ALB: variants seen among roughly 807,000 people sequenced by gnomAD.
ALB encodes the protein albumin.
ALB carries 37 observed loss-of-function variants against 74.5 expected under a neutral mutation model. The ratio of observed to expected loss-of-function variants is 0.50; its 90% CI spans 0.38 to 0.65. The LOEUF is 0.65. Ranked by LOEUF, ALB falls within the 30% of genes least tolerant of loss-of-function variation. ALB has a pLI of 0.00. For missense variants in ALB, 685 were observed against 718.7 expected, an observed-to-expected ratio of 0.95 and a Z score of 0.54; for synonymous variants, 249 against 251.6, an observed-to-expected ratio of 0.99 and a Z score of 0.10.
chr4:73,404,456 A>T, intron 1 of ALB, 50 bp downstream of exon 1: 1 of 1,495,796 alleles, frequency 6.7e-7, no homozygotes, highest in Non-Finnish European at 9.3e-7. Flanking sequence ...TTTTCCCAGT[A>T]AAATAAAGTT....
At chr4:73,407,601 A>T (rs1368292126) in intron 3 of ALB, among the ~76,000 whole-genome samples, 2 of 152,202 alleles carry the variant, frequency 1.3e-5, no homozygotes, top group Admixed American at 6.5e-5. Context: ...CTTAGAGATG[A>T]TATCATGGTT....
At chr4:73,409,057 T>A (rs1718802437) in intron 4 of ALB, 1 of 576,434 alleles carries the variant, frequency 1.7e-6, no homozygotes, top group Non-Finnish European at 3.1e-6. Flanking sequence ...GACAAATTAT[T>A]TAATGTATTA....
At chr4:73,407,341 TA>T (rs1287116893) in intron 3 of ALB, among the ~76,000 whole-genome samples, 1 of 152,246 alleles carries the variant, frequency 6.6e-6, no homozygotes, top group Non-Finnish European at 1.5e-5. Flanking sequence ...CTACCTTATA[TA>T]AGTGGTATTA....
At chr4:73,412,253 T>C in intron 7 of ALB, 128 bp downstream of exon 7, 1 of 1,172,346 alleles carries the variant, frequency 8.5e-7, no homozygotes, top group Non-Finnish European at 1.3e-6. Flanking sequence ...CTGTCCTATC[T>C]TCAATCTTTC....
At chr4:73,412,270 T>A in intron 7 of ALB, 145 bp downstream of exon 7, 2 of 1,021,482 alleles carry the variant, frequency 2.0e-6, no homozygotes, top group Non-Finnish European at 3.0e-6. Context: ...TTTCCCTGCC[T>A]ATGGTGGTGG....
intron 5 of ALB, among the ~76,000 whole-genome samples, 171 bp downstream of exon 5, chr4:73,409,658 G>T (rs147152388): frequency 1.3e-5 from 2 of 151,984 alleles, no homozygotes; most frequent in Admixed American, 1.3e-4. Context: ...CTACACTCTC[G>T]TTTCTTCTTT....
chr4:73,409,722 G>T (rs1262465082), intron 5 of ALB, among the ~76,000 whole-genome samples: 2 of 152,102 alleles, frequency 1.3e-5, no homozygotes, highest in East Asian at 3.9e-4. Context: ...TGTGTTTAAA[G>T]ATTTCACCAC....
chr4:73,420,752 A>G (rs1719122490), intron 14 of ALB: 2 of 293,946 alleles, frequency 6.8e-6, no homozygotes, highest in South Asian at 6.5e-5. Context: ...GTGATTTCAC[A>G]TGGTTCAACC....
intron 9 of ALB, among the ~76,000 whole-genome samples, chr4:73,415,772 A>T (rs576449812): frequency 6.6e-6 from 1 of 152,318 alleles, no homozygotes; most frequent in Admixed American, 6.5e-5. Context: ...CCAACGTAAA[A>T]TCTCTCATTT....
In ALB at chr4:73,409,338, T is replaced by A. The variant is rs1453887571; in HGVS notation, c.483-17T>A. The A allele has an allele frequency of 2.5e-6, 4 of 1,612,260 alleles. No homozygotes were observed. The highest frequency in any genetic ancestry group is 3.4e-6 in the Non-Finnish European group (4 of 1,178,612). Reference sequence around the variant, plus strand: ...TCTGCTATAGAAAAGTGACTGTTTTTCTTTTTCAAAATTTAGATACTTATA... The same window carrying A: ...TCTGCTATAGAAAAGTGACTGTTTTACTTTTTCAAAATTTAGATACTTATA... On this transcript the variant is annotated splice_polypyrimidine_tract_variant and intron_variant, in intron 4 of 14. Coordinates refer to ENST00000295897, the MANE Select transcript of ALB (RefSeq NM_000477.7).
Position 73,419,633 on chromosome 4 carries a change from C to T in ALB, c.1779C>T (p.Ala593=), listed in dbSNP as rs374224936. ...CTGACGATAAGGAGACCTGCTTTGC[C>T]GAGGAGGTACTACAGTTCTCTTCAT... ...CKADDKETCF[A]EEGKKLVAAS... The change falls in exon 13 of 15, where the codon GCC becomes GCT. Residue 593 remains alanine (A), a synonymous_variant. Transcript: ENST00000295897. The T allele has an allele frequency of 1.6e-5, 26 of 1,613,776 alleles. No individual in the cohort carries two copies. The highest frequency in any genetic ancestry group is 9.4e-5 in the African/African-American group (7 of 74,860).
chr4:73,413,619 A>T lies in ALB; in HGVS notation c.1043A>T (p.Asp348Val). 6.2e-7 allele frequency: 1 copy of T among 1,614,036 alleles called. No homozygotes were observed. Among genetic ancestry groups the T allele is most frequent in the Non-Finnish European group, 8.5e-7 (1 of 1,179,940 alleles). Residue 348 changes from aspartate (D) to valine (V), a missense_variant, in exon 8 of 15, where the codon GAT (aspartate) becomes GTT (valine). Transcript: ENST00000295897. Reference protein sequence around the residue: ...DVCKNYAEAKDVFLGMFLYEY... With the variant: ...DVCKNYAEAKVVFLGMFLYEY... ...TGCAAAAACTATGCTGAGGCAAAGG[A>T]TGTCTTCCTGGGCATGTAAGTAGAT...
intron 5 of ALB, 35 bp downstream of exon 5, chr4:73,409,522 T>C (rs1718818496): frequency 6.2e-7 from 1 of 1,613,526 alleles, no homozygotes; most frequent in Non-Finnish European, 8.5e-7. Context: ...AAGAGTTCAT[T>C]ATCCAACCTG....
Position 73,417,480 on chromosome 4 carries a change from A to G in ALB, c.1290-51A>G, listed in dbSNP as rs919945985. 3.1e-6 allele frequency: 5 copies of G among 1,605,952 alleles called. No individual in the cohort carries two copies. The Admixed American group carries it at 5.0e-5, about 16-fold the overall frequency. ...CCAAGTGTTCTCTGTTTTATCTACT[A>G]TGTTAGACAGTTTCTTGCCTTGCTG... On this transcript the variant is annotated intron_variant, in intron 10 of 14. Transcript: ENST00000295897.
chr4:73,418,318 A>G lies in ALB; in HGVS notation c.1652+7A>G, dbSNP rs1272865916. On this transcript the variant is annotated splice_region_variant and intron_variant, in intron 12 of 14. Coordinates refer to ENST00000295897, the MANE Select transcript of ALB (RefSeq NM_000477.7). Reference sequence around the variant, plus strand: ...GACAAATCAAGAAACAAACGTGAGGAGTATTTCATTACTGCATGTGTTTGT... The same window carrying G: ...GACAAATCAAGAAACAAACGTGAGGGGTATTTCATTACTGCATGTGTTTGT... 3 of 1,608,528 alleles carry G rather than the reference A, an allele frequency of 1.9e-6. No homozygotes were observed. The highest frequency in any genetic ancestry group is 1.1e-5 in the South Asian group (1 of 90,888).
At chr4:73,408,213 C>G (rs959378484) in intron 3 of ALB, among the ~76,000 whole-genome samples, 5 of 152,062 alleles carry the variant, frequency 3.3e-5, no homozygotes, top group African/African-American at 9.7e-5. Flanking sequence ...AAATGAGAAA[C>G]TCTCTGAATG....
chr4:73,418,142 GAC>G lies in ALB; in HGVS notation c.1485_1486del (p.Asp495GlufsTer24), dbSNP rs1719063535. On this transcript the variant is annotated frameshift_variant, in exon 12 of 15. Coordinates refer to ENST00000295897, the MANE Select transcript of ALB (RefSeq NM_000477.7). LOFTEE classifies it high-confidence loss of function. The part of the protein sequence containing the change: ...CVLHEKTPVS[D>X]RVTKCCTESL... ...GTTGCATGAGAAAACGCCAGTAAGT[GAC>G]AGAGTCACCAAATGCTGCACAGAAT... 2 of 1,614,148 alleles carry G rather than the reference GAC, an allele frequency of 1.2e-6. No individual in the cohort carries two copies. Among genetic ancestry groups the G allele is most frequent in the Non-Finnish European group, 1.7e-6 (2 of 1,180,024 alleles).
At chr4:73,420,386 G>A in intron 14 of ALB, 65 bp downstream of exon 14, 3 of 1,145,232 alleles carry the variant, frequency 2.6e-6, no homozygotes, top group Non-Finnish European at 3.8e-6. Context: ...AGCAAAGATT[G>A]ACCATTTCCA....
intron 6 of ALB, 143 bp from the exon 7 acceptor site, chr4:73,411,853 G>T (rs559061287): frequency 3.0e-6 from 3 of 986,764 alleles, no homozygotes; most frequent in Non-Finnish European, 4.6e-6. Context: ...ATTACCATTT[G>T]GTTCAGAACT....
Sources: allele counts gnomAD v4.1 joint callset (sites outside exome capture counted in the v4.1 genomes callset), GRCh38; gene constraint gnomAD v4.1.1; transcripts MANE v1.5; gene names NCBI Gene and HGNC (gene_info 2026-07-23, HGNC 2026-07-21).